The following SMYD2 variants were observed in gnomAD, a reference collection of about 807,000 sequenced individuals.
SMYD2 encodes N-lysine methyltransferase SMYD2.
A neutral mutation model predicts 59.1 loss-of-function variants in SMYD2; 53 were observed. The observed-to-expected ratio is 0.90, with a 90% CI of 0.72 to 1.13. SMYD2 has a LOEUF of 1.13. SMYD2 is among the 50% of genes most tolerant of loss of function. SMYD2 has a pLI of 0.00. For missense variants in SMYD2, 494 were observed against 544.7 expected, an observed-to-expected ratio of 0.91 and a Z score of 0.93; for synonymous variants, 208 against 198.8, an observed-to-expected ratio of 1.05 and a Z score of -0.39.
At position 214,337,007 on chromosome 1, in the gene SMYD2, G is replaced by A. The variant is rs1219492911; in HGVS notation, c.*223G>A. 7 of 469,012 alleles carry A rather than the reference G, an allele frequency of 1.5e-5. No homozygotes were observed. Among genetic ancestry groups the A allele is most frequent in the Non-Finnish European group, 2.6e-5 (7 of 267,140 alleles). The allele number at this position is 469,012 out of a possible 1,614,324, so 29.1% of individuals were successfully genotyped here. A position where few individuals can be genotyped will look rare whatever the true frequency, so the allele number is the denominator to read the frequency against. On this transcript the variant is annotated 3_prime_UTR_variant, in exon 12 of 12. Transcript: ENST00000366957. ...ATGCTTTTGTTTCCTAAGAGATAAT[G>A]GCATGGTTTCATATGTTATACTTTG... is the stretch of plus-strand genomic sequence containing the variant.
At chr1:214,325,561 G>A (rs778593574) in intron 6 of SMYD2, among the ~76,000 whole-genome samples, 1 of 152,204 alleles carries the variant, frequency 6.6e-6, no homozygotes, top group Non-Finnish European at 1.5e-5. Context: ...TTTGCCCTGA[G>A]TGATGTGCCT....
At chr1:214,330,747 A>C (rs1392104384) in intron 8 of SMYD2, among the ~76,000 whole-genome samples, 1 of 152,234 alleles carries the variant, frequency 6.6e-6, no homozygotes, top group Non-Finnish European at 1.5e-5. Context: ...CTAGAAAATT[A>C]ATCTTTTTGT....
At chr1:214,332,425 C>T (rs1657371525) in intron 10 of SMYD2, 2 of 492,426 alleles carry the variant, frequency 4.1e-6, no homozygotes, top group South Asian at 5.6e-5. Flanking sequence ...GGCAAGATCC[C>T]TCCCAGGTCC....
chr1:214,295,099 C>T (rs1036871421), intron 1 of SMYD2, among the ~76,000 whole-genome samples: 20 of 152,096 alleles, frequency 1.3e-4, no homozygotes, highest in Admixed American at 1.2e-3. Context: ...GAAAGGCATT[C>T]GTTGTTTCTT....
chr1:214,327,130 G>A (rs1433208837), intron 6 of SMYD2, among the ~76,000 whole-genome samples: 3 of 152,208 alleles, frequency 2.0e-5, no homozygotes, highest in East Asian at 1.9e-4. Context: ...AAACTCAGAC[G>A]GGTGTCTCCG....
At chr1:214,299,030 G>C (rs1656777342) in intron 1 of SMYD2, among the ~76,000 whole-genome samples, 1 of 151,912 alleles carries the variant, frequency 6.6e-6, no homozygotes, top group African/African-American at 2.4e-5. Context: ...GTGTCCCTGT[G>C]GTCCCAGCTA....
chr1:214,329,966 T>A, intron 7 of SMYD2, among the ~76,000 whole-genome samples: 1 of 152,238 alleles, frequency 6.6e-6, no homozygotes, highest in East Asian at 1.9e-4. Context: ...AGCTGTGGAT[T>A]AGTGAACACC....
At chr1:214,299,501 C>A (rs930122055) in intron 1 of SMYD2, among the ~76,000 whole-genome samples, 16 of 125,658 alleles carry the variant, frequency 1.3e-4, no homozygotes, top group African/African-American at 5.3e-4. Flanking sequence ...GAATACTATG[C>A]AGTCATAAAA....
chr1:214,301,739 C>A (rs1656827153), intron 1 of SMYD2, among the ~76,000 whole-genome samples: 1 of 141,208 alleles, frequency 7.1e-6, no homozygotes, highest in African/African-American at 2.7e-5. Context: ...TCTGAATAAC[C>A]ACAGTTTATC....
At chr1:214,336,440 G>C (rs981651387) in intron 11 of SMYD2, among the ~76,000 whole-genome samples, 3 of 152,236 alleles carry the variant, frequency 2.0e-5, no homozygotes, top group African/African-American at 7.2e-5. Context: ...GCTGAGGCAG[G>C]AGAATGGCGT....
intron 5 of SMYD2, among the ~76,000 whole-genome samples, chr1:214,319,487 G>A (rs1378809387): frequency 6.6e-6 from 1 of 152,098 alleles, no homozygotes; most frequent in Non-Finnish European, 1.5e-5. Flanking sequence ...CTTTCCTGAT[G>A]GTGGCTAAGA....
In SMYD2 at chr1:214,312,626, C is replaced by T. The variant is rs2102467446; in HGVS notation, c.238-2136C>T. 6.6e-6 allele frequency among the ~76,000 whole-genome samples: 1 copy of T among 152,180 alleles called. No homozygotes were observed. Among genetic ancestry groups the T allele is most frequent in the South Asian group, 2.1e-4 (1 of 4,812 alleles). ...ATATCCAGGGGAGGAGAGTGCTAGC[C>T]ACAAAACAGAGCAAGTGCGAAGGGC... On this transcript the variant is annotated intron_variant, in intron 2 of 11. Transcript: ENST00000366957. The surrounding 1 kb of genome is among the most constrained non-coding windows in gnomAD (Gnocchi z 4.1).
chr1:214,307,278 A>G (rs1656930366), intron 2 of SMYD2, among the ~76,000 whole-genome samples: 1 of 152,256 alleles, frequency 6.6e-6, no homozygotes, highest in African/African-American at 2.4e-5. Context: ...TAGGGACCAC[A>G]TGATGTGATA....
intron 3 of SMYD2, among the ~76,000 whole-genome samples, chr1:214,316,358 G>A (rs992757202): frequency 6.6e-6 from 1 of 152,004 alleles, no homozygotes; most frequent in Admixed American, 6.6e-5. Context: ...GTATACACCT[G>A]TGGTCCCAGC....
At chr1:214,292,682 G>A (rs1656655870) in intron 1 of SMYD2, among the ~76,000 whole-genome samples, 1 of 152,032 alleles carries the variant, frequency 6.6e-6, no homozygotes, top group Admixed American at 6.5e-5. Context: ...ATGAATCCTT[G>A]TAAATACTCT....
rs1657450640 is a variant in SMYD2, at chr1:214,336,987, T to TTTG, written c.*206_*208dup. On this transcript the variant is annotated 3_prime_UTR_variant, in exon 12 of 12. Transcript: ENST00000366957. ...TAATACCAAATTAATTTTGAATGCTTTTGTTTCCTAAGAGATAATGGCATG... is the reference window on the plus strand; with the variant it reads ...TAATACCAAATTAATTTTGAATGCTTTTGTTGTTTCCTAAGAGATAATGGCATG... 6.0e-6 allele frequency: 3 copies of TTTG among 500,700 alleles called. No individual in the cohort carries two copies. The South Asian group carries it at 8.1e-5, about 14-fold the overall frequency. 31.0% of individuals were successfully genotyped at this position (500,700 alleles called of 1,614,324 possible). A position where few individuals can be genotyped will look rare whatever the true frequency, so the allele number is the denominator to read the frequency against.
At chr1:214,317,662 A>G (rs531550397) in intron 3 of SMYD2, among the ~76,000 whole-genome samples, 4 of 152,240 alleles carry the variant, frequency 2.6e-5, no homozygotes, top group African/African-American at 4.8e-5. Context: ...AGAATTTGAG[A>G]TCATTTTAGC....
chr1:214,332,274 C>A, intron 10 of SMYD2, 82 bp downstream of exon 10: 1 of 1,503,904 alleles, frequency 6.6e-7, no homozygotes, highest in Non-Finnish European at 9.0e-7. Context: ...TCTTCCTGCC[C>A]ATTGCTGAGA....
intron 1 of SMYD2, among the ~76,000 whole-genome samples, chr1:214,286,921 G>A (rs1224491623): frequency 2.7e-5 from 4 of 149,202 alleles, no homozygotes; most frequent in Non-Finnish European, 4.4e-5. Context: ...CACAATCTCC[G>A]CTGTTCAAGT....
Sources: allele counts gnomAD v4.1 joint callset (sites outside exome capture counted in the v4.1 genomes callset), GRCh38; gene constraint gnomAD v4.1.1; non-coding constraint Gnocchi (gnomAD v3.1); transcripts MANE v1.5; gene names NCBI Gene and HGNC (gene_info 2026-07-23, HGNC 2026-07-21).